SCNN1B: variants seen among roughly 807,000 people sequenced by gnomAD.
SCNN1B encodes the protein sodium channel epithelial 1 subunit beta.
A neutral mutation model predicts 65.3 loss-of-function variants in SCNN1B; 46 were observed. That is an observed-to-expected ratio of 0.70 (90% confidence interval 0.56 to 0.90). The LOEUF (loss-of-function observed/expected upper bound fraction) is 0.90. Ranked by LOEUF, SCNN1B falls within the 40% of genes least tolerant of loss-of-function variation. SCNN1B has a pLI of 0.00. For missense variants in SCNN1B, 751 were observed against 830.5 expected, an observed-to-expected ratio of 0.90 and a Z score of 1.18; for synonymous variants, 349 against 330.6, an observed-to-expected ratio of 1.06 and a Z score of -0.60.
chr16:23,301,395 G>C (rs574524373), upstream of SCNN1B, among the ~76,000 whole-genome samples: 148 of 141,388 alleles, frequency 1.0e-3, 2 homozygotes, highest in African/African-American at 4.2e-3. Context: ...GAAAGAGAGA[G>C]GTAGGGAGGG....
At chr16:23,347,295 G>A (rs1253475961) in intron 1 of SCNN1B, among the ~76,000 whole-genome samples, 1 of 151,730 alleles carries the variant, frequency 6.6e-6, no homozygotes, top group Non-Finnish European at 1.5e-5. Flanking sequence ...CTGGCATACT[G>A]AGGACCTGGC....
chr16:23,306,173 G>A (rs897778470), intron 1 of SCNN1B, among the ~76,000 whole-genome samples: 1 of 151,856 alleles, frequency 6.6e-6, no homozygotes, highest in Admixed American at 6.6e-5. Context: ...AACCCAGAAG[G>A]TGGAGATTGC....
chr16:23,327,641 T>C (rs1961724709), intron 1 of SCNN1B, among the ~76,000 whole-genome samples: 1 of 152,144 alleles, frequency 6.6e-6, no homozygotes, highest in Non-Finnish European at 1.5e-5. Flanking sequence ...CTCTTGCATG[T>C]TTAAGGTTTC....
At chr16:23,356,395 C>T (rs1355937290) in intron 4 of SCNN1B, among the ~76,000 whole-genome samples, 1 of 152,102 alleles carries the variant, frequency 6.6e-6, no homozygotes, top group Non-Finnish European at 1.5e-5. Flanking sequence ...GAGGCTAAGG[C>T]AGGAGGATCG....
chr16:23,344,758 C>G (rs1053776829), intron 1 of SCNN1B, among the ~76,000 whole-genome samples: 1 of 152,090 alleles, frequency 6.6e-6, no homozygotes, highest in Admixed American at 6.6e-5. Context: ...CTTTGGGAAG[C>G]CAATGCGGGT....
chr16:23,283,519 G>A (rs1960810639), intron 1 of SCNN1B, among the ~76,000 whole-genome samples: 1 of 152,194 alleles, frequency 6.6e-6, no homozygotes, highest in Non-Finnish European at 1.5e-5. Flanking sequence ...ATTGAATATT[G>A]CACTGAAAGT....
chr16:23,380,920 C>A lies in SCNN1B; in HGVS notation c.*119C>A. 1.8e-6 allele frequency: 2 copies of A among 1,130,454 alleles called. No homozygotes were observed. Among genetic ancestry groups the A allele is most frequent in the Non-Finnish European group, 2.7e-6 (2 of 750,442 alleles). 70.0% of individuals were successfully genotyped at this position (1,130,454 alleles called of 1,614,324 possible). ...GGGAGGGTAGCTCTCCAGGCCAGAG[C>A]TTGTGTCCTTCAACAGAGAGGCCAG... On this transcript the variant is annotated 3_prime_UTR_variant, in exon 13 of 13. Transcript: ENST00000343070. The surrounding 1 kb of genome is among the most constrained non-coding windows in gnomAD (Gnocchi z 5.4).
At chr16:23,337,886 C>G (rs1359955254) in intron 1 of SCNN1B, among the ~76,000 whole-genome samples, 1 of 151,866 alleles carries the variant, frequency 6.6e-6, no homozygotes, top group African/African-American at 2.4e-5. Flanking sequence ...GGCAACATGG[C>G]AAAACCCCAT....
chr16:23,312,206 G>A (rs550257133), intron 1 of SCNN1B, among the ~76,000 whole-genome samples: 27 of 152,260 alleles, frequency 1.8e-4, no homozygotes, highest in African/African-American at 5.8e-4. Context: ...CTGGGCTCAA[G>A]GAATCCTCCC....
intron 1 of SCNN1B, among the ~76,000 whole-genome samples, chr16:23,320,391 C>A (rs1961562161): frequency 6.6e-6 from 1 of 152,200 alleles, no homozygotes; most frequent in Non-Finnish European, 1.5e-5. Context: ...CTCAGCTCTG[C>A]ATTGACTCTC....
intron 1 of SCNN1B, among the ~76,000 whole-genome samples, chr16:23,304,730 C>T (rs78267232): frequency 0.04 from 6,087 of 152,198 alleles, 429 homozygotes; most frequent in African/African-American, 0.14. Flanking sequence ...TGGTGGAACC[C>T]ATGATCTGGG....
intron 1 of SCNN1B, among the ~76,000 whole-genome samples, chr16:23,324,175 A>C (rs1961645097): frequency 1.3e-5 from 2 of 150,188 alleles, no homozygotes; most frequent in Non-Finnish European, 2.9e-5. Context: ...AGTCTGTCTA[A>C]CTCAAAAGCT....
intron 2 of SCNN1B, among the ~76,000 whole-genome samples, chr16:23,294,089 G>T (rs541015872): frequency 3.9e-5 from 6 of 152,126 alleles, no homozygotes; most frequent in African/African-American, 1.4e-4. Flanking sequence ...GCCAGATGTG[G>T]TGGATCATGA....
intron 3 of SCNN1B, among the ~76,000 whole-genome samples, chr16:23,353,426 A>G (rs1237665383): frequency 2.0e-5 from 3 of 152,160 alleles, no homozygotes; most frequent in Non-Finnish European, 2.9e-5. Context: ...CTCTCAGGCG[A>G]CTTCACTCTC....
Position 23,348,948 on chromosome 16 carries a change from C to T in SCNN1B, c.311+38C>T. 1 of 1,549,952 alleles carries T rather than the reference C, an allele frequency of 6.5e-7. No homozygotes were observed. Among genetic ancestry groups the T allele is most frequent in the Non-Finnish European group, 8.9e-7 (1 of 1,121,980 alleles). On this transcript the variant is annotated intron_variant, in intron 2 of 12. Coordinates refer to ENST00000343070, the MANE Select transcript of SCNN1B (RefSeq NM_000336.3). The surrounding 1 kb of genome is among the most constrained non-coding windows in gnomAD (Gnocchi z 4.5). ...GGAGTGCACAGCTGGCCTCAGCAGA[C>T]AGGCGGTTCTCTTTCTCTCTTTTCT...
intron 10 of SCNN1B, among the ~76,000 whole-genome samples, chr16:23,378,114 T>TCA (rs1962952588): frequency 6.6e-6 from 1 of 152,188 alleles, no homozygotes; most frequent in Non-Finnish European, 1.5e-5. Flanking sequence ...GCTTAAGTGA[T>TCA]GCTCCTGCCT....
At chr16:23,352,427 G>A (rs1567307558) in intron 2 of SCNN1B, among the ~76,000 whole-genome samples, 1 of 152,218 alleles carries the variant, frequency 6.6e-6, no homozygotes, top group Non-Finnish European at 1.5e-5. Flanking sequence ...GGGACCTGGT[G>A]TGGGTGATTA....
intron 1 of SCNN1B, among the ~76,000 whole-genome samples, chr16:23,281,934 G>A (rs1191654317): frequency 1.3e-5 from 2 of 152,290 alleles, no homozygotes; most frequent in South Asian, 2.1e-4. Context: ...GCTCATGCCT[G>A]TAATCCCAGC....
rs753802362 is a variant in SCNN1B, at chr16:23,346,200, C to CTTTTTTTTTTTTTTTTTTTTTTT, written c.-8-2385_-8-2363dup. ...CCATGGAACACCCTTTTTTCCTTTTCTTTTTTTTTTTTTTTTTTTTTTTTT... is the reference window on the plus strand; with the variant it reads ...CCATGGAACACCCTTTTTTCCTTTTCTTTTTTTTTTTTTTTTTTTTTTTTTTTTTTTTTTTTTTTTTTTTTTTT... On this transcript the variant is annotated intron_variant, in intron 1 of 12. Coordinates refer to ENST00000343070, the MANE Select transcript of SCNN1B (RefSeq NM_000336.3). 3.3e-4 allele frequency among the ~76,000 whole-genome samples: 26 copies of CTTTTTTTTTTTTTTTTTTTTTTT among 78,010 alleles called. 2 individuals carry two copies. The highest frequency in any genetic ancestry group is 1.1e-3 in the South Asian group (2 of 1,798). 51.2% of individuals were successfully genotyped at this position (78,010 alleles called of 152,430 possible).
Sources: allele counts gnomAD v4.1 joint callset (sites outside exome capture counted in the v4.1 genomes callset), GRCh38; gene constraint gnomAD v4.1.1; non-coding constraint Gnocchi (gnomAD v3.1); transcripts MANE v1.5; gene names NCBI Gene and HGNC (gene_info 2026-07-23, HGNC 2026-07-21).